GRID2: variants seen among roughly 807,000 people sequenced by gnomAD.
GRID2 encodes the protein glutamate receptor ionotropic, delta-2.
GRID2 carries 33 observed loss-of-function variants against 114.8 expected under a neutral mutation model. The ratio of observed to expected loss-of-function variants is 0.29; its 90% confidence interval spans 0.22 to 0.38. The LOEUF is 0.38. GRID2 is among the 10% of genes least tolerant of loss of function. The probability of loss-of-function intolerance (pLI) is 1.00; values close to 1 mark genes in which losing one functional copy is unlikely to be tolerated. For synonymous variants in GRID2, 505 were observed against 449.9 expected, an observed-to-expected ratio of 1.12 and a Z score of -1.55; for missense variants, 1,184 against 1,257.7, an observed-to-expected ratio of 0.94 and a Z score of 0.89.
At chr4:92,470,632 A>G (rs1721987446) in intron 1 of GRID2, among the ~76,000 whole-genome samples, 1 of 151,992 alleles carries the variant, frequency 6.6e-6, no homozygotes, top group African/African-American at 2.4e-5. Flanking sequence ...TAAATAAAGT[A>G]TTGCCTCAAA....
intron 1 of GRID2, among the ~76,000 whole-genome samples, chr4:92,502,621 A>G (rs1424571312): frequency 6.6e-6 from 1 of 151,000 alleles, no homozygotes; most frequent in Non-Finnish European, 1.5e-5. Flanking sequence ...GTTGTTATCC[A>G]CCCAGAGTTC....
intron 2 of GRID2, among the ~76,000 whole-genome samples, chr4:92,883,817 T>C (rs1010004883): frequency 6.6e-6 from 1 of 152,204 alleles, no homozygotes; most frequent in Non-Finnish European, 1.5e-5. Flanking sequence ...TGTGCTGCCA[T>C]CCAGGCTTTG....
chr4:93,233,337 T>A (rs1315394193), intron 7 of GRID2, among the ~76,000 whole-genome samples: 3 of 134,552 alleles, frequency 2.2e-5, no homozygotes, highest in African/African-American at 8.3e-5. Flanking sequence ...TTATTATTAT[T>A]TTTTTTTTTA....
intron 1 of GRID2, among the ~76,000 whole-genome samples, chr4:92,563,080 C>A (rs1668818664): frequency 6.6e-6 from 1 of 152,128 alleles, no homozygotes; most frequent in Non-Finnish European, 1.5e-5. Context: ...TCATGAGTGG[C>A]AGTGGCCTTT....
intron 2 of GRID2, among the ~76,000 whole-genome samples, chr4:92,710,304 A>G (rs1177700330): frequency 4.6e-5 from 7 of 152,184 alleles, no homozygotes; most frequent in Non-Finnish European, 8.8e-5. Context: ...TAAATAAACA[A>G]TTTTTAGATA....
In GRID2 at chr4:93,109,144, G is replaced by A. The variant is rs191216300; in HGVS notation, c.530-1604G>A. On this transcript the variant is annotated intron_variant, in intron 3 of 15. Transcript: ENST00000282020. ...ATGGTTCAGAGTCTTACACCTTTAT[G>A]TACATTCTGACTTGGATATTGAATG... is the stretch of plus-strand genomic sequence containing the variant. Among the ~76,000 whole-genome samples, 76 of 152,252 alleles carry A rather than the reference G, an allele frequency of 5.0e-4. 2 individuals are homozygous for A. In the East Asian group the frequency reaches 0.014, roughly 27 times the overall value.
chr4:92,778,123 C>A (rs1198344442), intron 2 of GRID2, among the ~76,000 whole-genome samples: 1 of 152,096 alleles, frequency 6.6e-6, no homozygotes, highest in Non-Finnish European at 1.5e-5. Flanking sequence ...TCCACAGTAC[C>A]TGCCCCTCTT....
intron 4 of GRID2, among the ~76,000 whole-genome samples, chr4:93,180,120 A>G: frequency 6.6e-6 from 1 of 152,202 alleles, no homozygotes; most frequent in East Asian, 1.9e-4. Flanking sequence ...TGGATGCTAT[A>G]CTTGCCCCCA....
chr4:92,520,270 A>C (rs1724699794), intron 1 of GRID2, among the ~76,000 whole-genome samples: 1 of 151,892 alleles, frequency 6.6e-6, no homozygotes, highest in Admixed American at 6.6e-5. Flanking sequence ...AATATTAATA[A>C]TACTTAAATA....
intron 1 of GRID2, among the ~76,000 whole-genome samples, chr4:92,493,948 A>C (rs996471084): frequency 3.9e-5 from 6 of 152,156 alleles, no homozygotes; most frequent in Non-Finnish European, 7.4e-5. Flanking sequence ...ACACAATATG[A>C]TTTGAAGAAA....
rs185017620 is a variant in GRID2 at position 93,075,870 on chromosome 4, C to T, written c.245-9125C>T. Among the ~76,000 whole-genome samples, 115 of 133,646 alleles carry T rather than the reference C, an allele frequency of 8.6e-4. 1 individual carries two copies. The highest frequency in any genetic ancestry group is 1.3e-3 in the Non-Finnish European group (82 of 64,426). The allele number at this position is 133,646 out of a possible 152,430, so 87.7% of individuals were successfully genotyped here. A position where few individuals can be genotyped will look rare whatever the true frequency, so the allele number is the denominator to read the frequency against. ...GAATACTCAGTAAGTATTGGGATGT[C>T]GAAGTTACCTCTCTTTTTTTTTTTT... On this transcript the variant is annotated intron_variant, in intron 2 of 15. Transcript: ENST00000282020.
At chr4:92,563,004 A>T (rs571554299) in intron 1 of GRID2, among the ~76,000 whole-genome samples, 1 of 151,862 alleles carries the variant, frequency 6.6e-6, no homozygotes, top group South Asian at 2.1e-4. Context: ...ACCCAGGCCT[A>T]CTCTTTTTCT....
rs1746190131 is a variant in GRID2 at position 92,883,890 on chromosome 4, C to T, written c.245-201105C>T. ...ATAAATTTACTGGATCCAGGATTTTCAGAATGGTAAATAAGCATTGACTTC... is the reference window on the plus strand; with the variant it reads ...ATAAATTTACTGGATCCAGGATTTTTAGAATGGTAAATAAGCATTGACTTC... On this transcript the variant is annotated intron_variant, in intron 2 of 15. Coordinates refer to ENST00000282020, the MANE Select transcript of GRID2 (RefSeq NM_001510.4). Among the ~76,000 whole-genome samples, 3 of 152,226 alleles carry T rather than the reference C, an allele frequency of 2.0e-5. No individual in the cohort carries two copies. The South Asian group carries it at 6.2e-4, about 32-fold the overall frequency.
chr4:93,407,825 TCTCCTC>T (rs141411355), intron 9 of GRID2, among the ~76,000 whole-genome samples: 37 of 117,586 alleles, frequency 3.1e-4, no homozygotes, highest in Non-Finnish European at 5.6e-4. Context: ...TCCTCCTCCT[TCTCCTC>T]CTCCTCCTCC....
At chr4:93,218,710 C>A (rs1469600291) in intron 6 of GRID2, among the ~76,000 whole-genome samples, 1 of 152,014 alleles carries the variant, frequency 6.6e-6, no homozygotes, top group African/African-American at 2.4e-5. Flanking sequence ...TCAGTTCCAC[C>A]CTTATCTATA....
At chr4:92,731,836 A>G (rs982885608) in intron 2 of GRID2, among the ~76,000 whole-genome samples, 6 of 151,976 alleles carry the variant, frequency 3.9e-5, no homozygotes, top group African/African-American at 7.2e-5. Flanking sequence ...TAAAGAAACT[A>G]ATAGTCATAT....
intron 4 of GRID2, among the ~76,000 whole-genome samples, chr4:93,120,394 A>G (rs1000347310): frequency 3.3e-5 from 5 of 152,150 alleles, no homozygotes; most frequent in Non-Finnish European, 7.3e-5. Context: ...GCACATATAC[A>G]CCATGGAATA....
chr4:92,691,450 T>A (rs1332328614), intron 2 of GRID2, among the ~76,000 whole-genome samples: 2 of 152,028 alleles, frequency 1.3e-5, no homozygotes, highest in Non-Finnish European at 2.9e-5. Flanking sequence ...TCCCTAAACT[T>A]AAGGAGCAAA....
At chr4:92,645,626 T>C (rs1408941662) in intron 2 of GRID2, among the ~76,000 whole-genome samples, 1 of 151,700 alleles carries the variant, frequency 6.6e-6, no homozygotes, top group African/African-American at 2.4e-5. Context: ...CAAAGTTTCT[T>C]CATGCTCCTA....
Sources: gnomAD v4.1 joint callset for allele counts (sites outside exome capture counted in the v4.1 genomes callset) on GRCh38, gnomAD v4.1.1 for gene constraint, MANE v1.5 for transcripts, NCBI Gene and HGNC (gene_info 2026-07-23, HGNC 2026-07-21) for gene names.